The following SKAP2 variants were observed in gnomAD, a reference collection of about 807,000 sequenced individuals.
The protein encoded by SKAP2 is src kinase-associated phosphoprotein 2.
SKAP2 carries 28 observed loss-of-function variants against 54.9 expected under a neutral mutation model. That is an observed-to-expected ratio of 0.51 (90% confidence interval 0.38 to 0.70). The LOEUF is 0.70. SKAP2 is among the 30% of genes least tolerant of loss of function. SKAP2 has a pLI of 0.00. For synonymous variants in SKAP2, 137 were observed against 134.3 expected, an observed-to-expected ratio of 1.02 and a Z score of -0.14; for missense variants, 356 against 424.1, an observed-to-expected ratio of 0.84 and a Z score of 1.41.
At chr7:26,852,575 G>A (rs1360135968) in intron 3 of SKAP2, among the ~76,000 whole-genome samples, 1 of 152,066 alleles carries the variant, frequency 6.6e-6, no homozygotes, top group Non-Finnish European at 1.5e-5. Context: ...TCCATTTTAT[G>A]CTCATTTTTC....
intron 4 of SKAP2, among the ~76,000 whole-genome samples, chr7:26,779,441 T>C (rs1231779908): frequency 6.6e-6 from 1 of 152,034 alleles, no homozygotes; most frequent in Admixed American, 6.6e-5. Context: ...CAATGAAATT[T>C]AATAAAGATA....
rs1785128197 is a variant in SKAP2 at position 26,854,914 on chromosome 7, A to G, written c.68-24T>C. 3 of 1,477,610 alleles carry G rather than the reference A, an allele frequency of 2.0e-6. No individual in the cohort carries two copies. In the African/African-American group the frequency reaches 4.2e-5, roughly 21 times the overall value. The allele number at this position is 1,477,610 out of a possible 1,614,324, so 91.5% of individuals were successfully genotyped here. A position where few individuals can be genotyped will look rare whatever the true frequency, so the allele number is the denominator to read the frequency against. ...ATCTAAACCATGCAATATAAGAAAC[A>G]GGATACAAATTATAAGAAATAAAGG... On this transcript the variant is annotated intron_variant, in intron 1 of 12. Transcript: ENST00000345317.
At chr7:26,657,532 ATTAAT>A in the SKAP2 span, among the ~76,000 whole-genome samples, 1 of 152,188 alleles carries the variant, frequency 6.6e-6, no homozygotes, top group Non-Finnish European at 1.5e-5. Flanking sequence ...TACCATGCTG[ATTAAT>A]TTAATGTAGC....
chr7:26,748,515 T>A (rs936830155), intron 4 of SKAP2, among the ~76,000 whole-genome samples: 6 of 152,132 alleles, frequency 3.9e-5, no homozygotes, highest in Non-Finnish European at 7.4e-5. Flanking sequence ...ACATAAAAAA[T>A]TTAAATCAAA....
intron 3 of SKAP2, among the ~76,000 whole-genome samples, chr7:26,845,678 C>G (rs1784905971): frequency 6.6e-6 from 1 of 152,182 alleles, no homozygotes. Flanking sequence ...CGCCTGTAAT[C>G]TCAGCTACTC....
At chr7:26,792,643 G>C (rs1783694089) in intron 4 of SKAP2, among the ~76,000 whole-genome samples, 1 of 152,154 alleles carries the variant, frequency 6.6e-6, no homozygotes, top group Non-Finnish European at 1.5e-5. Flanking sequence ...CATTTATAGA[G>C]CTGAAAAAAT....
intron 3 of SKAP2, among the ~76,000 whole-genome samples, chr7:26,852,017 T>C (rs1785054392): frequency 6.6e-6 from 1 of 151,776 alleles, no homozygotes; most frequent in South Asian, 2.1e-4. Flanking sequence ...AAAATAAGGG[T>C]GTAAAGGTAG....
chr7:26,850,620 A>T (rs1221931567), intron 3 of SKAP2, among the ~76,000 whole-genome samples: 1 of 151,992 alleles, frequency 6.6e-6, no homozygotes, highest in Non-Finnish European at 1.5e-5. Flanking sequence ...AAAGAAAAGA[A>T]AAAAAGAAAC....
At chr7:26,771,212 A>G (rs1783182011) in intron 4 of SKAP2, among the ~76,000 whole-genome samples, 1 of 152,208 alleles carries the variant, frequency 6.6e-6, no homozygotes. Context: ...GCTAGTGATA[A>G]TAAAGGTTTT....
At position 26,812,747 on chromosome 7, in the gene SKAP2, T is replaced by C. The variant is rs777955339; in HGVS notation, c.307+31283A>G. 4.7e-4 allele frequency among the ~76,000 whole-genome samples: 71 copies of C among 152,276 alleles called. No homozygotes were observed. In the Middle Eastern group the frequency reaches 0.01, roughly 22 times the overall value. On this transcript the variant is annotated intron_variant, in intron 4 of 12. Transcript: ENST00000345317. ...AATAAAATTATCATCTATGGTCGTA[T>C]CACTTTTTATACCATCTTCCTTAAA...
chr7:26,844,289 C>T (rs1784880152), intron 3 of SKAP2, 152 bp from the exon 4 acceptor site: 1 of 572,034 alleles, frequency 1.7e-6, no homozygotes, highest in East Asian at 2.9e-5. Context: ...ACTTTTAAAA[C>T]TAGGTAAAAA....
intron 4 of SKAP2, among the ~76,000 whole-genome samples, chr7:26,772,500 T>G (rs1022798662): frequency 1.3e-5 from 2 of 152,224 alleles, no homozygotes; most frequent in African/African-American, 4.8e-5. Flanking sequence ...TCTGTTCCTG[T>G]GTTAATTTGC....
chr7:26,696,438 T>C (rs896526944), intron 9 of SKAP2, among the ~76,000 whole-genome samples: 17 of 152,146 alleles, frequency 1.1e-4, no homozygotes, highest in Non-Finnish European at 4.4e-5. Flanking sequence ...TATTTCAAAG[T>C]AGGAAGAGTA....
downstream of SKAP2, among the ~76,000 whole-genome samples, chr7:26,665,305 G>A (rs942878561): frequency 6.6e-6 from 1 of 152,168 alleles, no homozygotes; most frequent in Non-Finnish European, 1.5e-5. Context: ...GGGAAGAAAG[G>A]AAGGAAACAT....
At chr7:26,776,898 C>G (rs922541617) in intron 4 of SKAP2, among the ~76,000 whole-genome samples, 6 of 152,142 alleles carry the variant, frequency 3.9e-5, no homozygotes, top group Non-Finnish European at 8.8e-5. Context: ...TACCTCTCCA[C>G]CTTCTCTCAC....
intron 9 of SKAP2, among the ~76,000 whole-genome samples, chr7:26,712,476 C>A (rs1361433383): frequency 1.3e-5 from 2 of 152,132 alleles, no homozygotes; most frequent in Non-Finnish European, 2.9e-5. Context: ...TAACTAAGGA[C>A]AAGGCAATTC....
At chr7:26,823,243 T>C (rs1238026431) in intron 4 of SKAP2, among the ~76,000 whole-genome samples, 1 of 151,750 alleles carries the variant, frequency 6.6e-6, no homozygotes, top group Non-Finnish European at 1.5e-5. Context: ...CTGTCCAACA[T>C]GGTGAAACCT....
intron 4 of SKAP2, among the ~76,000 whole-genome samples, chr7:26,749,482 T>C (rs1039972748): frequency 6.6e-6 from 1 of 151,962 alleles, no homozygotes; most frequent in Non-Finnish European, 1.5e-5. Context: ...GGGGTAGTGA[T>C]TCACACCTGT....
intron 4 of SKAP2, among the ~76,000 whole-genome samples, chr7:26,749,201 T>C (rs755909160): frequency 6.6e-6 from 1 of 152,130 alleles, no homozygotes; most frequent in Non-Finnish European, 1.5e-5. Flanking sequence ...GTTACAGATA[T>C]TTGGCCAAAA....
Sources: allele counts gnomAD v4.1 joint callset (sites outside exome capture counted in the v4.1 genomes callset), GRCh38; gene constraint gnomAD v4.1.1; transcripts MANE v1.5; gene names NCBI Gene and HGNC (gene_info 2026-07-23, HGNC 2026-07-21).